AIM2: variants seen among roughly 807,000 people sequenced by gnomAD.
AIM2 encodes the protein interferon-inducible protein AIM2.
A neutral mutation model predicts 27.7 loss-of-function variants in AIM2; 30 were observed. That is an observed-to-expected ratio of 1.08 (90% CI 0.81 to 1.47). The LOEUF (loss-of-function observed/expected upper bound fraction) is 1.47, where lower values mean the gene tolerates loss of function less well. Ranked by LOEUF, AIM2 falls within the 40% of genes most tolerant of loss-of-function variation. The pLI, the probability that AIM2 is intolerant of heterozygous loss-of-function variation, is 0.00. For missense variants in AIM2, 358 were observed against 411.3 expected, an observed-to-expected ratio of 0.87 and a Z score of 1.12; for synonymous variants, 141 against 145.3, an observed-to-expected ratio of 0.97 and a Z score of 0.21.
At chr1:159,056,741 A>AAC in the AIM2 span, among the ~76,000 whole-genome samples, 15 of 143,924 alleles carry the variant, frequency 1.0e-4, no homozygotes, top group South Asian at 2.2e-4. Context: ...AAAAAAAAAA[A>AAC]AAAAAAACTA....
At chr1:159,082,157 GACA>G (rs2102000334) in intron 1 of AIM2, among the ~76,000 whole-genome samples, 1 of 152,132 alleles carries the variant, frequency 6.6e-6, no homozygotes, top group Non-Finnish European at 1.5e-5. Flanking sequence ...TGGCATTCTT[GACA>G]ACAACACTAG....
intron 1 of AIM2, among the ~76,000 whole-genome samples, chr1:159,117,991 T>C (rs547997447): frequency 6.6e-6 from 1 of 152,332 alleles, no homozygotes; most frequent in Admixed American, 6.5e-5. Context: ...TTAGATATCA[T>C]GATATTTAAC....
At chr1:159,082,686 C>T (rs559657051) in intron 1 of AIM2, among the ~76,000 whole-genome samples, 5 of 152,256 alleles carry the variant, frequency 3.3e-5, no homozygotes, top group East Asian at 3.9e-4. Flanking sequence ...ATCCTATTCA[C>T]GAAGCCCATA....
intron 1 of AIM2, among the ~76,000 whole-genome samples, chr1:159,082,575 C>T (rs1284371424): frequency 6.6e-6 from 1 of 152,062 alleles, no homozygotes; most frequent in African/African-American, 2.4e-5. Flanking sequence ...CAGGTGTGCA[C>T]CACCACACCT....
intron 1 of AIM2, among the ~76,000 whole-genome samples, chr1:159,139,680 G>T (rs1648075116): frequency 6.6e-6 from 1 of 152,116 alleles, no homozygotes; most frequent in Non-Finnish European, 1.5e-5. Context: ...ATTCTCACAG[G>T]TATAGAGCTT....
intron 1 of AIM2, among the ~76,000 whole-genome samples, chr1:159,086,918 C>G (rs1450012436): frequency 1.3e-5 from 2 of 152,186 alleles, no homozygotes; most frequent in Non-Finnish European, 2.9e-5. Context: ...GGGCTAATGT[C>G]TTGTCTGCCT....
intron 1 of AIM2, among the ~76,000 whole-genome samples, chr1:159,095,102 G>A (rs1307711652): frequency 6.6e-6 from 1 of 152,108 alleles, no homozygotes; most frequent in African/African-American, 2.4e-5. Flanking sequence ...AAGCACTACA[G>A]GTATTAACTC....
upstream of AIM2, among the ~76,000 whole-genome samples, chr1:159,141,391 A>G (rs1377628495): frequency 1.3e-5 from 2 of 152,194 alleles, no homozygotes; most frequent in Non-Finnish European, 2.9e-5. Flanking sequence ...GGCTGAACAG[A>G]GAGAAGCAGC....
At chr1:159,134,258 T>A (rs1252161394) in intron 1 of AIM2, among the ~76,000 whole-genome samples, 1 of 152,228 alleles carries the variant, frequency 6.6e-6, no homozygotes, top group Non-Finnish European at 1.5e-5. Flanking sequence ...ATATTGCTTT[T>A]CACAACAACC....
chr1:159,063,618 C>T lies in AIM2; in HGVS notation c.873G>A (p.Met291Ile). 6.2e-7 allele frequency: 1 copy of T among 1,614,124 alleles called. No homozygotes were observed. The highest frequency in any genetic ancestry group is 8.5e-7 in the Non-Finnish European group (1 of 1,180,008). Residue 291 changes from methionine to isoleucine, a missense_variant, in exon 5 of 6, where the codon ATG (methionine) becomes ATA (isoleucine). Coordinates refer to ENST00000368130, the MANE Select transcript of AIM2 (RefSeq NM_004833.3). ...LFDLSDNTGK[M>I]EVLGVRNEDT... Reference sequence around the variant, plus strand: ...CCTCGTTTCTAACCCCCAGTACTTCCATTTTCCCAGTGTTGTCACTTAGGT... The same window carrying T: ...CCTCGTTTCTAACCCCCAGTACTTCTATTTTCCCAGTGTTGTCACTTAGGT...
At chr1:159,122,065 G>C (rs537439606) in intron 1 of AIM2, among the ~76,000 whole-genome samples, 3 of 152,296 alleles carry the variant, frequency 2.0e-5, no homozygotes, top group South Asian at 4.1e-4. Context: ...AAGTTAAAGA[G>C]TAAAGGGTAC....
intron 1 of AIM2, among the ~76,000 whole-genome samples, chr1:159,101,114 T>C (rs554988062): frequency 3.7e-4 from 57 of 152,098 alleles, no homozygotes; most frequent in African/African-American, 1.4e-3. Context: ...AGACTCACCT[T>C]GAATTGTAAT....
chr1:159,130,800 CCACACACACACACA>C (rs10557540), intron 1 of AIM2, among the ~76,000 whole-genome samples: 97 of 145,126 alleles, frequency 6.7e-4, no homozygotes, highest in East Asian at 1.0e-3. Flanking sequence ...AGCCTGGTCA[CCACACACACACACA>C]CACACACACA....
chr1:159,086,306 C>T (rs1656910079), intron 1 of AIM2, among the ~76,000 whole-genome samples: 1 of 152,222 alleles, frequency 6.6e-6, no homozygotes, highest in African/African-American at 2.4e-5. Flanking sequence ...AGCTTCTGAA[C>T]CACCTATCTT....
At chr1:159,068,458 G>T in intron 3 of AIM2, 110 bp downstream of exon 3, 2 of 1,406,016 alleles carry the variant, frequency 1.4e-6, no homozygotes, top group Non-Finnish European at 1.9e-6. Context: ...CTGTGGCCTT[G>T]CTTCCCTTAT....
rs777447448 is a variant in AIM2, at chr1:159,068,608, G to T, written c.356C>A (p.Ala119Glu). ...AASAAIRNDV[A>E]KQRAAPKVSP... ...GACTTTTGGTGCAGCACGTTGCTTT[G>T]CGACATCATTTCTGATGGCTGCAGA... The change falls in exon 3 of 6, where the codon GCA becomes GAA. Residue 119 changes from alanine (A) to glutamate (E), a missense_variant. By Grantham distance (107) the Ala-to-Glu change is moderately radical. Coordinates refer to ENST00000368130, the MANE Select transcript of AIM2 (RefSeq NM_004833.3). 4.3e-6 allele frequency: 7 copies of T among 1,613,650 alleles called. No homozygotes were observed. Among genetic ancestry groups the T allele is most frequent in the Non-Finnish European group, 5.9e-6 (7 of 1,179,842 alleles).
chr1:159,103,902 G>A (rs1013799802), intron 1 of AIM2, among the ~76,000 whole-genome samples: 1 of 152,014 alleles, frequency 6.6e-6, no homozygotes, highest in African/African-American at 2.4e-5. Flanking sequence ...AAAAGTAATT[G>A]CAGGAGCTAT....
intron 1 of AIM2, among the ~76,000 whole-genome samples, chr1:159,126,064 G>A (rs1647676097): frequency 6.6e-6 from 1 of 152,218 alleles, no homozygotes; most frequent in Non-Finnish European, 1.5e-5. Flanking sequence ...CGAAAGCTGT[G>A]TGCAAAGGAA....
chr1:159,070,246 C>G (rs974608206), intron 2 of AIM2, among the ~76,000 whole-genome samples: 1 of 152,108 alleles, frequency 6.6e-6, no homozygotes, highest in Non-Finnish European at 1.5e-5. Context: ...ATAAACTGTA[C>G]AAAATTTGGA....
Sources: gnomAD v4.1 joint callset for allele counts (sites outside exome capture counted in the v4.1 genomes callset) on GRCh38, gnomAD v4.1.1 for gene constraint, MANE v1.5 for transcripts, NCBI Gene and HGNC (gene_info 2026-07-23, HGNC 2026-07-21) for gene names.